SMOC1: variants seen among roughly 807,000 people sequenced by gnomAD.
SMOC1 encodes SPARC-related modular calcium-binding protein 1.
SMOC1 carries 22 observed loss-of-function variants against 56.3 expected under a neutral mutation model. That is an observed-to-expected ratio of 0.39 (90% CI 0.28 to 0.56). The LOEUF (loss-of-function observed/expected upper bound fraction) is 0.56, where lower values mean the gene tolerates loss of function less well. Among genes scored for constraint, SMOC1 ranks in the 20% least tolerant of loss-of-function variants. The probability of loss-of-function intolerance (pLI) is 0.61; values close to 1 mark genes in which losing one functional copy is unlikely to be tolerated. For missense variants in SMOC1, 509 were observed against 565.4 expected (o/e 0.90, Z 1.01); for synonymous variants, 193 against 215.0 (o/e 0.90, Z 0.89).
intron 7 of SMOC1, among the ~76,000 whole-genome samples, chr14:70,006,584 G>A (rs1028094476): frequency 6.6e-6 from 1 of 152,216 alleles, no homozygotes; most frequent in African/African-American, 2.4e-5. Context: ...AGATGTTTCA[G>A]TTATCTGCTG....
chr14:69,949,055 C>T (rs1054001911), intron 1 of SMOC1, among the ~76,000 whole-genome samples: 2 of 152,212 alleles, frequency 1.3e-5, no homozygotes, highest in Non-Finnish European at 2.9e-5. Flanking sequence ...GTGCCAGACA[C>T]CAGATGCTGA....
intron 8 of SMOC1, 24 bp downstream of exon 8, chr14:70,010,970 G>A: frequency 1.9e-6 from 3 of 1,611,434 alleles, no homozygotes; most frequent in Non-Finnish European, 2.5e-6. Flanking sequence ...ACTGGGTCCT[G>A]GGAAAAACGC....
chr14:69,889,773 A>G lies in SMOC1; in HGVS notation c.99+9996A>G, dbSNP rs1594787419. Among the ~76,000 whole-genome samples, 8 of 152,180 alleles carry G rather than the reference A, an allele frequency of 5.3e-5. No homozygotes were observed. The South Asian group carries it at 1.7e-3, about 32-fold the overall frequency. On this transcript the variant is annotated intron_variant, in intron 1 of 11. Transcript: ENST00000361956. ...TTTCTGGAGCTCTAGGAGAGAATCT[A>G]TTTTCTTGCCTTTTCCAGCCTCTAG...
chr14:69,926,248 G>A (rs1408795862), intron 1 of SMOC1, among the ~76,000 whole-genome samples: 3 of 152,208 alleles, frequency 2.0e-5, no homozygotes, highest in Non-Finnish European at 4.4e-5. Context: ...TCAGATCTCT[G>A]AATTGTGTTC....
chr14:69,885,950 T>A (rs1441298561), intron 1 of SMOC1: 21 of 1,592,796 alleles, frequency 1.3e-5, no homozygotes, highest in Non-Finnish European at 1.8e-5. Flanking sequence ...TCTCTGCCGC[T>A]GCAACCTGAT....
chr14:69,923,702 T>C (rs1221321173), intron 1 of SMOC1, among the ~76,000 whole-genome samples: 1 of 152,204 alleles, frequency 6.6e-6, no homozygotes, highest in Non-Finnish European at 1.5e-5. Flanking sequence ...CGATTTGACA[T>C]CTTCATTTAG....
chr14:69,928,622 G>A (rs1885081423), intron 1 of SMOC1, among the ~76,000 whole-genome samples: 2 of 151,824 alleles, frequency 1.3e-5, no homozygotes, highest in Admixed American at 1.3e-4. Flanking sequence ...CATTGGGGGG[G>A]GGGTCCCTTT....
intron 1 of SMOC1, among the ~76,000 whole-genome samples, chr14:69,898,280 G>A (rs1884148808): frequency 6.6e-6 from 1 of 151,958 alleles, no homozygotes; most frequent in Admixed American, 6.6e-5. Context: ...CAATTACCTG[G>A]CTTAGTGTTC....
intron 7 of SMOC1, among the ~76,000 whole-genome samples, chr14:69,999,371 T>C (rs1212847368): frequency 6.6e-6 from 1 of 152,088 alleles, no homozygotes; most frequent in Non-Finnish European, 1.5e-5. Flanking sequence ...CACCGGCTGA[T>C]GTAATGACTT....
intron 7 of SMOC1, among the ~76,000 whole-genome samples, chr14:70,005,925 C>T (rs1031914548): frequency 6.6e-6 from 1 of 152,156 alleles, no homozygotes; most frequent in Non-Finnish European, 1.5e-5. Flanking sequence ...TCATCTTTCC[C>T]TGAGTGTTCC....
At chr14:70,011,459 C>CAT in intron 8 of SMOC1, 26 bp from the exon 9 acceptor site, 2 of 1,326,800 alleles carry the variant, frequency 1.5e-6, no homozygotes, top group Non-Finnish European at 2.2e-6. Context: ...CCCCTCCCAA[C>CAT]CCCCCCCATA....
At chr14:69,990,644 G>C (rs1429250690) in intron 5 of SMOC1, among the ~76,000 whole-genome samples, 1 of 152,308 alleles carries the variant, frequency 6.6e-6, no homozygotes, top group African/African-American at 2.4e-5. Context: ...AAATGACATT[G>C]TGTGGCTCTG....
intron 3 of SMOC1, among the ~76,000 whole-genome samples, chr14:69,964,768 A>G (rs1883506839): frequency 1.3e-5 from 2 of 152,194 alleles, no homozygotes; most frequent in African/African-American, 4.8e-5. Context: ...TAAGTTATTC[A>G]GTCCTCACTA....
chr14:69,953,397 A>G, intron 2 of SMOC1, 23 bp from the exon 3 acceptor site: 2 of 1,610,340 alleles, frequency 1.2e-6, no homozygotes, highest in East Asian at 4.5e-5. Context: ...TGAAATATGA[A>G]ATCTGCTCCT....
intron 5 of SMOC1, among the ~76,000 whole-genome samples, chr14:69,990,765 T>A (rs943795354): frequency 6.6e-6 from 1 of 152,232 alleles, no homozygotes; most frequent in Non-Finnish European, 1.5e-5. Context: ...CCAGCATAGA[T>A]ACTCTTCTCT....
At chr14:69,885,993 C>T in intron 1 of SMOC1, 2 of 1,586,106 alleles carry the variant, frequency 1.3e-6, no homozygotes. Flanking sequence ...CGGGTGAGGT[C>T]TCTTTTGGGC....
At chr14:69,917,929 A>G (rs10135089) in intron 1 of SMOC1, among the ~76,000 whole-genome samples, 15,952 of 151,940 alleles carry the variant, frequency 0.1, 867 homozygotes, top group South Asian at 0.18. Context: ...GTCCTCTTTG[A>G]AAAAAAATAC....
chr14:69,895,349 G>C (rs937849923), intron 1 of SMOC1, among the ~76,000 whole-genome samples: 2 of 152,220 alleles, frequency 1.3e-5, no homozygotes, highest in Non-Finnish European at 2.9e-5. Flanking sequence ...CAGCGATTCT[G>C]TTTGAAGAAG....
rs193227555 is a variant in SMOC1, at chr14:69,955,762, T to A, written c.378+2230T>A. 8.7e-4 allele frequency among the ~76,000 whole-genome samples: 132 copies of A among 152,334 alleles called. No individual in the cohort carries two copies. The East Asian group carries it at 0.024, about 28-fold the overall frequency. ...TGGATGAACTCTTCCATCAATTTTT[T>A]AAAAACTGTTTATTCTGGTAAAAAG... On this transcript the variant is annotated intron_variant, in intron 3 of 11. Coordinates refer to ENST00000361956, the MANE Select transcript of SMOC1 (RefSeq NM_001034852.3).
Sources: allele counts gnomAD v4.1 joint callset (sites outside exome capture counted in the v4.1 genomes callset), GRCh38; gene constraint gnomAD v4.1.1; transcripts MANE v1.5; gene names NCBI Gene and HGNC (gene_info 2026-07-23, HGNC 2026-07-21).